Variants in PAFAH1B1 observed in about 807,000 individuals in gnomAD.
PAFAH1B1 encodes platelet activating factor acetylhydrolase 1b regulatory subunit 1.
PAFAH1B1 carries 2 observed loss-of-function variants against 57.5 expected under a neutral mutation model. The ratio of observed to expected loss-of-function variants is 0.03; its 90% CI spans 0.01 to 0.11. PAFAH1B1 has a LOEUF of 0.11. Ranked by LOEUF, PAFAH1B1 falls within the 10% of genes least tolerant of loss-of-function variation. PAFAH1B1 has a pLI of 1.00. For missense variants in PAFAH1B1, 257 were observed against 512.0 expected (o/e 0.50, Z 4.81); for synonymous variants, 152 against 169.6 (o/e 0.90, Z 0.81).
rs2068570184 is a variant in PAFAH1B1 at position 2,632,668 on chromosome 17, A to G, written c.-190-5431A>G. Among the ~76,000 whole-genome samples, 3 of 152,232 alleles carry G rather than the reference A, an allele frequency of 2.0e-5. No individual in the cohort carries two copies. In the South Asian group the frequency reaches 6.2e-4, roughly 31 times the overall value. ...CTGTACTGAATATATACAGACTTTT[A>G]TTCTTGTCATTCTCTTAATAATACA... is the stretch of plus-strand genomic sequence containing the variant. On this transcript the variant is annotated intron_variant, in intron 1 of 10. Coordinates refer to ENST00000397195, the MANE Select transcript of PAFAH1B1 (RefSeq NM_000430.4).
At chr17:2,673,019 G>T (rs1168857638) in intron 7 of PAFAH1B1, among the ~76,000 whole-genome samples, 2 of 152,022 alleles carry the variant, frequency 1.3e-5, no homozygotes, top group South Asian at 4.1e-4. Context: ...AGTGAGCCGA[G>T]ATCGTGCCAT....
intron 1 of PAFAH1B1, among the ~76,000 whole-genome samples, chr17:2,621,605 GTCTTTTTTTTTTTTTTTTTTTTTTT>G (rs1371385790): frequency 1.1e-5 from 1 of 93,208 alleles, no homozygotes; most frequent in Non-Finnish European, 2.0e-5. Context: ...TAGATAATCT[GTCTTTTTTTTTTTTTTTTTTTTTTT>G]TTTTTTTTTT....
chr17:2,614,939 G>A (rs1157276823), intron 1 of PAFAH1B1, among the ~76,000 whole-genome samples: 1 of 152,058 alleles, frequency 6.6e-6, no homozygotes, highest in Non-Finnish European at 1.5e-5. Flanking sequence ...AAAATCATAC[G>A]AAAACAGTCA....
chr17:2,621,611 T>TCAAGCATGGTAGA (rs2068423760), intron 1 of PAFAH1B1, among the ~76,000 whole-genome samples: 2 of 24,376 alleles, frequency 8.2e-5, no homozygotes, highest in African/African-American at 5.1e-4. Flanking sequence ...ATCTGTCTTT[T>TCAAGCATGGTAGA]TTTTTTTTTT....
intron 1 of PAFAH1B1, among the ~76,000 whole-genome samples, chr17:2,599,369 T>C (rs1397155542): frequency 6.6e-6 from 1 of 152,224 alleles, no homozygotes; most frequent in Non-Finnish European, 1.5e-5. Flanking sequence ...GACTCCTTAA[T>C]CTTTGTTAAA....
chr17:2,680,575 T>G (rs1369503429), intron 10 of PAFAH1B1, among the ~76,000 whole-genome samples: 1 of 152,230 alleles, frequency 6.6e-6, no homozygotes, highest in Non-Finnish European at 1.5e-5. Flanking sequence ...AACCACAATT[T>G]GTGAAGAGGT....
rs1018040430 is a variant in PAFAH1B1, at chr17:2,613,675, C to T, written c.-191+19669C>T. The T allele has an allele frequency of 6.0e-5, 17 of 285,106 alleles. No individual in the cohort carries two copies. In the Middle Eastern group the frequency reaches 2.1e-3, roughly 35 times the overall value. 17.7% of individuals were successfully genotyped at this position (285,106 alleles called of 1,614,324 possible). ...CTCCACAGCCAGACAGCCGCCCCTC[C>T]GCGAAGCTGCAGACATCATCCATGG... On this transcript the variant is annotated intron_variant, in intron 1 of 10. Coordinates refer to ENST00000397195, the MANE Select transcript of PAFAH1B1 (RefSeq NM_000430.4).
chr17:2,639,020 C>T (rs2068660898), intron 2 of PAFAH1B1, among the ~76,000 whole-genome samples: 1 of 152,124 alleles, frequency 6.6e-6, no homozygotes, highest in Admixed American at 6.6e-5. Flanking sequence ...CTGCCTCAAC[C>T]TCCCGAGTAG....
intron 2 of PAFAH1B1, among the ~76,000 whole-genome samples, chr17:2,651,493 G>A (rs2068848933): frequency 6.6e-6 from 1 of 151,272 alleles, no homozygotes; most frequent in Admixed American, 6.6e-5. Context: ...GCTGAGGCAG[G>A]AGAACCTCTT....
chr17:2,621,605 G>GTTTTTTTTTTTTTTTTTTTTTTTTT (rs2068421993), intron 1 of PAFAH1B1, among the ~76,000 whole-genome samples: 2 of 93,208 alleles, frequency 2.1e-5, no homozygotes, highest in Admixed American at 1.3e-4. Flanking sequence ...TAGATAATCT[G>GTTTTTTTTTTTTTTTTTTTTTTTTT]TCTTTTTTTT....
At chr17:2,601,501 G>A (rs1481856689) in intron 1 of PAFAH1B1, among the ~76,000 whole-genome samples, 1 of 151,976 alleles carries the variant, frequency 6.6e-6, no homozygotes, top group Non-Finnish European at 1.5e-5. Context: ...GAGTGCAATG[G>A]CATGATCTTG....
chr17:2,648,927 ATT>A, intron 2 of PAFAH1B1, among the ~76,000 whole-genome samples: 1 of 81,664 alleles, frequency 1.2e-5, no homozygotes, highest in Non-Finnish European at 3.1e-5. Flanking sequence ...TTCAGTATAT[ATT>A]TGAGATTCCA....
Position 2,643,342 on chromosome 17 carries a change from C to T in PAFAH1B1, c.32+5022C>T, listed in dbSNP as rs1435043693. Among the ~76,000 whole-genome samples the T allele has an allele frequency of 3.3e-5, 5 of 152,294 alleles. No individual in the cohort carries two copies. The South Asian group carries it at 1.0e-3, about 32-fold the overall frequency. ...CTATATTGCCCAGGCAGGTCTCGAA[C>T]TCCTGGGCTCAAGCTATTCTCCTGC... On this transcript the variant is annotated intron_variant, in intron 2 of 10. Transcript: ENST00000397195.
chr17:2,638,688 A>G (rs2068655357), intron 2 of PAFAH1B1: 1 of 240,568 alleles, frequency 4.2e-6, no homozygotes, highest in Non-Finnish European at 8.3e-6. Context: ...TTGTATTTTT[A>G]GTAGAGATGG....
chr17:2,679,076 G>C (rs769771067), intron 9 of PAFAH1B1, among the ~76,000 whole-genome samples: 2 of 152,186 alleles, frequency 1.3e-5, no homozygotes, highest in Non-Finnish European at 2.9e-5. Context: ...ATGTTCAACT[G>C]TGCAGTTCTA....
At chr17:2,612,303 G>A (rs6502400) in intron 1 of PAFAH1B1, among the ~76,000 whole-genome samples, 141,896 of 151,196 alleles carry the variant, frequency 0.94, 66,642 homozygotes, top group East Asian at 1. Flanking sequence ...TCGTGGGTTC[G>A]AGTGATTCTC....
intron 1 of PAFAH1B1, among the ~76,000 whole-genome samples, chr17:2,614,424 A>C (rs1309601218): frequency 1.3e-5 from 2 of 152,180 alleles, no homozygotes; most frequent in African/African-American, 4.8e-5. Flanking sequence ...ATCTTTGCAG[A>C]GTTTGCTGAC....
At chr17:2,660,779 G>A (rs1423343045) in intron 2 of PAFAH1B1, among the ~76,000 whole-genome samples, 8 of 152,144 alleles carry the variant, frequency 5.3e-5, no homozygotes, top group African/African-American at 1.9e-4. Flanking sequence ...TAATGGGATT[G>A]CTGGGTCAAA....
At chr17:2,623,858 C>T (rs975144069) in intron 1 of PAFAH1B1, among the ~76,000 whole-genome samples, 2 of 150,894 alleles carry the variant, frequency 1.3e-5, no homozygotes, top group African/African-American at 4.9e-5. Context: ...AGGCTGGTCT[C>T]GAAACTGCTG....
Sources: gnomAD v4.1 joint callset for allele counts (sites outside exome capture counted in the v4.1 genomes callset) on GRCh38, gnomAD v4.1.1 for gene constraint, MANE v1.5 for transcripts, NCBI Gene and HGNC (gene_info 2026-07-23, HGNC 2026-07-21) for gene names.